NOX4: variants seen among roughly 807,000 people sequenced by gnomAD.
The protein encoded by NOX4 is NADPH oxidase 4.
Under a neutral mutation model 87.6 loss-of-function variants are expected in NOX4, and 69 were observed. The observed-to-expected ratio is 0.79, with a 90% CI of 0.65 to 0.96. The LOEUF (loss-of-function observed/expected upper bound fraction) is 0.96, where lower values mean the gene tolerates loss of function less well. Among genes scored for constraint, NOX4 ranks in the 40% least tolerant of loss-of-function variants. NOX4 has a pLI of 0.00. For missense variants in NOX4, 680 were observed against 681.5 expected (o/e 1.00, Z 0.02); for synonymous variants, 275 against 238.2 (o/e 1.15, Z -1.42).
At chr11:89,362,067 T>C (rs1397913526) in intron 12 of NOX4, among the ~76,000 whole-genome samples, 1 of 152,108 alleles carries the variant, frequency 6.6e-6, no homozygotes, top group Non-Finnish European at 1.5e-5. Context: ...TGGGCTTTGT[T>C]GAACCTGCCT....
At chr11:89,468,315 A>G (rs10765204) in intron 2 of NOX4, among the ~76,000 whole-genome samples, 5 of 152,048 alleles carry the variant, frequency 3.3e-5, no homozygotes, top group Admixed American at 3.3e-4. Flanking sequence ...AATTTCCTAA[A>G]TCAATCTTGC....
intron 13 of NOX4, among the ~76,000 whole-genome samples, chr11:89,346,815 T>G (rs1219102999): frequency 6.6e-6 from 1 of 152,194 alleles, no homozygotes; most frequent in East Asian, 1.9e-4. Flanking sequence ...TGAGCCAAAA[T>G]CTTTACAATT....
chr11:89,454,945 A>C (rs1945121673), intron 2 of NOX4, among the ~76,000 whole-genome samples: 1 of 152,144 alleles, frequency 6.6e-6, no homozygotes, highest in Non-Finnish European at 1.5e-5. Context: ...TGTACCCTGG[A>C]ATCTATGACT....
chr11:89,348,322 C>T (rs1446863908), intron 13 of NOX4, among the ~76,000 whole-genome samples: 6 of 151,520 alleles, frequency 4.0e-5, no homozygotes, highest in Non-Finnish European at 7.4e-5. Flanking sequence ...GGCTGAGGCA[C>T]GAAAACTTCT....
chr11:89,434,775 T>G (rs1238005760), intron 6 of NOX4, among the ~76,000 whole-genome samples: 3 of 146,710 alleles, frequency 2.0e-5, no homozygotes, highest in African/African-American at 7.5e-5. Flanking sequence ...TAATCAGCAA[T>G]AAAAAAAAAA....
intron 6 of NOX4, among the ~76,000 whole-genome samples, chr11:89,433,278 A>T (rs1943908063): frequency 6.6e-6 from 1 of 152,114 alleles, no homozygotes; most frequent in Non-Finnish European, 1.5e-5. Context: ...TATTAAAATC[A>T]GTACAGTTTC....
intron 7 of NOX4, among the ~76,000 whole-genome samples, chr11:89,425,267 T>C (rs1156526810): frequency 6.6e-6 from 1 of 152,018 alleles, no homozygotes; most frequent in African/African-American, 2.4e-5. Context: ...TGTACACCAA[T>C]TTTTCATTCT....
chr11:89,431,531 G>C (rs1943782456), intron 7 of NOX4, among the ~76,000 whole-genome samples: 1 of 152,102 alleles, frequency 6.6e-6, no homozygotes, highest in Non-Finnish European at 1.5e-5. Context: ...CCATCAAAAA[G>C]TAGGCAAAGG....
the NOX4 span, among the ~76,000 whole-genome samples, chr11:89,515,921 A>G: frequency 6.6e-6 from 1 of 152,112 alleles, no homozygotes; most frequent in African/African-American, 2.4e-5. Flanking sequence ...CATTTATTGC[A>G]TTAACTACAT....
chr11:89,445,291 C>T (rs1356372434), intron 4 of NOX4, among the ~76,000 whole-genome samples: 1 of 151,926 alleles, frequency 6.6e-6, no homozygotes, highest in East Asian at 1.9e-4. Flanking sequence ...TCTATAATTT[C>T]CCACAACCCA....
chr11:89,516,402 G>C, the NOX4 span, among the ~76,000 whole-genome samples: 3 of 152,010 alleles, frequency 2.0e-5, no homozygotes, highest in Non-Finnish European at 4.4e-5. Context: ...ACACTGTCAA[G>C]GTATACTATC....
At chr11:89,388,264 G>A (rs1940859952) in intron 11 of NOX4, among the ~76,000 whole-genome samples, 1 of 151,974 alleles carries the variant, frequency 6.6e-6, no homozygotes, top group Admixed American at 6.6e-5. Flanking sequence ...CCAACTTCCA[G>A]GATCAACACA....
intron 2 of NOX4, among the ~76,000 whole-genome samples, chr11:89,468,641 G>T (rs1475096776): frequency 6.6e-6 from 1 of 152,118 alleles, no homozygotes; most frequent in Non-Finnish European, 1.5e-5. Flanking sequence ...GGTGAGAGAA[G>T]GTACATAAAT....
intron 17 of NOX4, among the ~76,000 whole-genome samples, chr11:89,332,442 T>G (rs1216297105): frequency 3.3e-5 from 5 of 151,926 alleles, no homozygotes; most frequent in Non-Finnish European, 5.9e-5. Context: ...ACATTTTAAT[T>G]ACAAACAATA....
intron 11 of NOX4, among the ~76,000 whole-genome samples, chr11:89,375,141 T>C (rs1012872651): frequency 3.3e-5 from 5 of 152,206 alleles, no homozygotes; most frequent in African/African-American, 4.8e-5. Context: ...TCCAAGCTAC[T>C]ACTTTACAAT....
At chr11:89,527,800 C>T in the NOX4 span, among the ~76,000 whole-genome samples, 15 of 152,268 alleles carry the variant, frequency 9.9e-5, no homozygotes, top group Non-Finnish European at 2.1e-4. Context: ...AGAACCTCTG[C>T]TAGGGCAGTG....
chr11:89,554,905 G>C, the NOX4 span, among the ~76,000 whole-genome samples: 1 of 151,774 alleles, frequency 6.6e-6, no homozygotes, highest in Non-Finnish European at 1.5e-5. Flanking sequence ...TGGGTCTGCT[G>C]TCCATTTAAA....
At chr11:89,438,657 A>G (rs1418934406) in intron 6 of NOX4, among the ~76,000 whole-genome samples, 1 of 64,562 alleles carries the variant, frequency 1.5e-5, no homozygotes, top group African/African-American at 7.8e-5. Flanking sequence ...TATATAATAT[A>G]TACTATATAT....
At chr11:89,551,427 T>C in the NOX4 span, among the ~76,000 whole-genome samples, 3 of 152,326 alleles carry the variant, frequency 2.0e-5, no homozygotes, top group Admixed American at 2.0e-4. Context: ...ATTCTTCCTA[T>C]CCATGAGCAT....
Sources: allele counts gnomAD v4.1 joint callset (sites outside exome capture counted in the v4.1 genomes callset), GRCh38; gene constraint gnomAD v4.1.1; transcripts MANE v1.5; gene names NCBI Gene and HGNC (gene_info 2026-07-23, HGNC 2026-07-21).